The following DAB1 variants were observed in gnomAD, a reference collection of about 807,000 sequenced individuals.
DAB1 encodes the protein DAB adaptor protein 1.
In DAB1, 15 loss-of-function variants were observed where a neutral mutation model predicts 64.6. The ratio of observed to expected loss-of-function variants is 0.23; its 90% CI spans 0.16 to 0.36. The LOEUF (loss-of-function observed/expected upper bound fraction) is 0.36, where lower values mean the gene tolerates loss of function less well. Ranked by LOEUF, DAB1 falls within the 10% of genes least tolerant of loss-of-function variation. The probability of loss-of-function intolerance (pLI) is 1.00; values close to 1 mark genes in which losing one functional copy is unlikely to be tolerated. For synonymous variants in DAB1, 235 were observed against 251.9 expected (o/e 0.93, Z 0.64); for missense variants, 596 against 706.7 (o/e 0.84, Z 1.78).
chr1:58,396,734 C>T (rs1383984907), intron 3 of DAB1, among the ~76,000 whole-genome samples: 1 of 152,002 alleles, frequency 6.6e-6, no homozygotes, highest in Non-Finnish European at 1.5e-5. Flanking sequence ...CAGAAATAGG[C>T]AGAAACAAAG....
At chr1:57,894,964 T>C in intron 5 of DAB1, among the ~76,000 whole-genome samples, 1 of 151,992 alleles carries the variant, frequency 6.6e-6, no homozygotes, top group Non-Finnish European at 1.5e-5. Flanking sequence ...ATTGCTACAA[T>C]GTAGACATAC....
At chr1:57,510,254 C>T (rs1644391572) in intron 7 of DAB1, among the ~76,000 whole-genome samples, 1 of 152,152 alleles carries the variant, frequency 6.6e-6, no homozygotes, top group South Asian at 2.1e-4. Flanking sequence ...TCTCTGCCTG[C>T]ACTTTACCTC....
chr1:57,788,034 G>A (rs1453009497), intron 6 of DAB1, among the ~76,000 whole-genome samples: 1 of 151,830 alleles, frequency 6.6e-6, no homozygotes, highest in East Asian at 1.9e-4. Context: ...AGAACATCTG[G>A]AGCAAGTGGA....
chr1:58,151,400 T>A (rs1421697706), intron 4 of DAB1, among the ~76,000 whole-genome samples: 1 of 152,220 alleles, frequency 6.6e-6, no homozygotes, highest in Non-Finnish European at 1.5e-5. Flanking sequence ...TGGTGTGAGA[T>A]GGTATCTCAT....
intron 7 of DAB1, among the ~76,000 whole-genome samples, chr1:57,569,306 T>C (rs796106723): frequency 1.4e-5 from 2 of 144,478 alleles, no homozygotes; most frequent in African/African-American, 5.1e-5. Flanking sequence ...ATTGTGGCAC[T>C]AGTCACAATA....
At chr1:58,413,670 G>A (rs1288316473) in intron 3 of DAB1, among the ~76,000 whole-genome samples, 2 of 152,188 alleles carry the variant, frequency 1.3e-5, no homozygotes, top group African/African-American at 4.8e-5. Context: ...GGAAGAAAAT[G>A]TAATTATAGA....
At chr1:58,095,265 A>C (rs1341149608) in intron 5 of DAB1, among the ~76,000 whole-genome samples, 1 of 152,210 alleles carries the variant, frequency 6.6e-6, no homozygotes, top group African/African-American at 2.4e-5. Context: ...TGGAATCGGA[A>C]ACTCTAATTT....
intron 4 of DAB1, among the ~76,000 whole-genome samples, chr1:58,309,202 C>T (rs1481253757): frequency 6.6e-6 from 1 of 152,168 alleles, no homozygotes; most frequent in Non-Finnish European, 1.5e-5. Flanking sequence ...ATAAATGTTC[C>T]ATACACAAAC....
At chr1:57,559,862 G>A (rs1645031332) in intron 7 of DAB1, among the ~76,000 whole-genome samples, 1 of 152,186 alleles carries the variant, frequency 6.6e-6, no homozygotes, top group African/African-American at 2.4e-5. Flanking sequence ...TCCTTGGAGG[G>A]ATTGCGAAGA....
intron 7 of DAB1, among the ~76,000 whole-genome samples, chr1:57,549,249 T>C (rs1333700047): frequency 1.3e-5 from 2 of 152,204 alleles, no homozygotes; most frequent in Non-Finnish European, 2.9e-5. Context: ...TGATCTGCAA[T>C]TGTAAACTTC....
At chr1:58,252,979 A>G (rs1376953773) in intron 4 of DAB1, among the ~76,000 whole-genome samples, 1 of 152,224 alleles carries the variant, frequency 6.6e-6, no homozygotes, top group Non-Finnish European at 1.5e-5. Flanking sequence ...ATTGAAGTCC[A>G]GATAGGGATC....
intron 6 of DAB1, among the ~76,000 whole-genome samples, chr1:57,788,730 A>C (rs1473259292): frequency 1.3e-5 from 2 of 152,190 alleles, no homozygotes; most frequent in African/African-American, 2.4e-5. Context: ...TCTGAGCCTG[A>C]TTCTTCTAAC....
intron 4 of DAB1, among the ~76,000 whole-genome samples, chr1:58,316,944 C>T (rs1662570489): frequency 1.3e-5 from 2 of 152,190 alleles, no homozygotes; most frequent in Admixed American, 6.5e-5. Context: ...TTGTTCCAAG[C>T]ACTGTTCTAA....
chr1:57,486,668 T>A (rs532266913), intron 7 of DAB1, among the ~76,000 whole-genome samples: 40 of 152,232 alleles, frequency 2.6e-4, no homozygotes, highest in Non-Finnish European at 5.0e-4. Flanking sequence ...TCCCCCCGAC[T>A]CTATCCTATT....
chr1:58,422,184 C>T (rs1156760408), intron 3 of DAB1, among the ~76,000 whole-genome samples: 5 of 151,830 alleles, frequency 3.3e-5, no homozygotes, highest in Admixed American at 1.3e-4. Flanking sequence ...AGATTTACAA[C>T]CTGAGAGTTA....
At chr1:58,539,766 A>G (rs1646575244) in intron 1 of DAB1, among the ~76,000 whole-genome samples, 1 of 152,174 alleles carries the variant, frequency 6.6e-6, no homozygotes, top group Non-Finnish European at 1.5e-5. Context: ...AGAGCCCTAC[A>G]ACTGTCCTAG....
In DAB1 at chr1:57,862,037, A is replaced by G. The variant is rs894041936; in HGVS notation, n.87+21962T>C. 1.7e-4 allele frequency among the ~76,000 whole-genome samples: 26 copies of G among 152,234 alleles called. 1 individual carries two copies. Among genetic ancestry groups the G allele is most frequent in the Middle Eastern group, 6.8e-3 (2 of 294 alleles). ...CATTTTATTTCATTAATTGACTACA[A>G]TGGAAAATAATTCACTAAATTCAAA... On this transcript the variant is annotated intron_variant and non_coding_transcript_variant, in intron 1 of 1. Coordinates refer to the DAB1 transcript ENST00000477280.
chr1:58,414,251 T>C lies in DAB1; in HGVS notation n.258-70848A>G, dbSNP rs188600046. Among the ~76,000 whole-genome samples the C allele has an allele frequency of 1.8e-4, 28 of 152,324 alleles. 1 individual carries two copies. Among genetic ancestry groups the C allele is most frequent in the Admixed American group, 1.6e-3 (25 of 15,300 alleles). On this transcript the variant is annotated intron_variant and non_coding_transcript_variant, in intron 3 of 20. Coordinates refer to the DAB1 transcript ENST00000485760. ...AATGGCCCAGTCCCCAAACTAGGGC[T>C]ACAGTACTTTCCTCTCACATCCTCA...
intron 2 of DAB1, among the ~76,000 whole-genome samples, chr1:57,220,507 A>T (rs371358109): frequency 5.3e-5 from 8 of 152,316 alleles, no homozygotes; most frequent in East Asian, 1.9e-4. Flanking sequence ...AATAGCAGGT[A>T]TTATTAGCAT....
Sources: gnomAD v4.1 joint callset for allele counts (sites outside exome capture counted in the v4.1 genomes callset) on GRCh38, gnomAD v4.1.1 for gene constraint, MANE v1.5 for transcripts, NCBI Gene and HGNC (gene_info 2026-07-23, HGNC 2026-07-21) for gene names.